The following PLEKHD1 variants were observed in gnomAD, a reference collection of about 807,000 sequenced individuals.
PLEKHD1 encodes pleckstrin homology domain-containing family D member 1.
A neutral mutation model predicts 69.2 loss-of-function variants in PLEKHD1; 51 were observed. That is an observed-to-expected ratio of 0.74 (90% CI 0.59 to 0.93). The LOEUF (loss-of-function observed/expected upper bound fraction) is 0.93, where lower values mean the gene tolerates loss of function less well. Ranked by LOEUF, PLEKHD1 falls within the 40% of genes least tolerant of loss-of-function variation. The pLI, the probability that PLEKHD1 is intolerant of heterozygous loss-of-function variation, is 0.00. For synonymous variants in PLEKHD1, 236 were observed against 244.7 expected (o/e 0.96, Z 0.33); for missense variants, 584 against 641.0 (o/e 0.91, Z 0.96).
At chr14:69,501,886 G>A (rs773696891) in intron 5 of PLEKHD1, 61 bp downstream of exon 5, 8 of 1,411,556 alleles carry the variant, frequency 5.7e-6, no homozygotes, top group Admixed American at 2.1e-5. Flanking sequence ...GCTATAGCCA[G>A]GGGCTTGGTA....
At chr14:69,469,502 T>G in the PLEKHD1 span, among the ~76,000 whole-genome samples, 1 of 151,814 alleles carries the variant, frequency 6.6e-6, no homozygotes, top group South Asian at 2.2e-4. Flanking sequence ...CTAGAACTCT[T>G]GGGCTCCAGT....
chr14:69,474,016 C>T, the PLEKHD1 span, among the ~76,000 whole-genome samples: 2 of 151,950 alleles, frequency 1.3e-5, no homozygotes, highest in East Asian at 1.9e-4. Flanking sequence ...TCCCTGCCTT[C>T]GCCCTGCTCA....
intron 11 of PLEKHD1, 52 bp from the exon 12 acceptor site, chr14:69,527,731 T>C (rs368635291): frequency 1.3e-6 from 2 of 1,540,562 alleles, no homozygotes; most frequent in African/African-American, 1.4e-5. Flanking sequence ...AGGGACTGGC[T>C]GGGGGTAAGG....
At chr14:69,526,178 C>T in intron 9 of PLEKHD1, 56 bp downstream of exon 9, 1 of 1,477,862 alleles carries the variant, frequency 6.8e-7, no homozygotes, top group South Asian at 1.4e-5. Flanking sequence ...GGGGACTTTC[C>T]TCGAACTGGA....
chr14:69,505,080 C>G (rs538392470), intron 6 of PLEKHD1, among the ~76,000 whole-genome samples: 6 of 152,326 alleles, frequency 3.9e-5, no homozygotes, highest in Admixed American at 2.0e-4. Flanking sequence ...CGGAGACCCA[C>G]TGCACACAGG....
the PLEKHD1 span, among the ~76,000 whole-genome samples, chr14:69,468,168 A>G: frequency 4.6e-5 from 7 of 152,370 alleles, no homozygotes; most frequent in African/African-American, 1.7e-4. Context: ...GAGATAGTTC[A>G]TGGATAGGAC....
At chr14:69,501,642 G>T in intron 4 of PLEKHD1, 92 bp from the exon 5 acceptor site, 1 of 973,564 alleles carries the variant, frequency 1.0e-6, no homozygotes. Flanking sequence ...AGTACAAAAC[G>T]TATGCCTTCT....
In PLEKHD1 at chr14:69,527,207, T is replaced by A. The variant is rs1248514717; in HGVS notation, c.1076T>A (p.Met359Lys). The change falls in exon 11 of 13, where the codon ATG (methionine) becomes AAG (lysine). Residue 359 changes from methionine to lysine, a missense_variant. Coordinates refer to ENST00000322564, the MANE Select transcript of PLEKHD1 (RefSeq NM_001161498.2). Reference sequence around the variant, plus strand: ...CCTCAGGCTGAGGTGAAGGTCCGCATGGACCTGGAGAGGCGTCTCCGGGAG... The same window carrying A: ...CCTCAGGCTGAGGTGAAGGTCCGCAAGGACCTGGAGAGGCGTCTCCGGGAG... ...RELKAEVKVR[M>K]DLERRLREAE... 1 of 1,550,464 alleles carries A rather than the reference T, an allele frequency of 6.4e-7. No individual in the cohort carries two copies. Among genetic ancestry groups the A allele is most frequent in the Non-Finnish European group, 8.7e-7 (1 of 1,146,492 alleles).
chr14:69,500,300 C>T, intron 2 of PLEKHD1, 92 bp downstream of exon 2: 1 of 1,103,136 alleles, frequency 9.1e-7, no homozygotes, highest in Non-Finnish European at 1.3e-6. Context: ...TGCGCTCTTG[C>T]TCTGGCCTAG....
At chr14:69,514,329 A>AT (rs1277945956) in intron 6 of PLEKHD1, among the ~76,000 whole-genome samples, 1 of 147,764 alleles carries the variant, frequency 6.8e-6, no homozygotes, top group East Asian at 2.0e-4. Flanking sequence ...AAGCTGAGAG[A>AT]TTTTTTTTCC....
At chr14:69,512,145 G>C (rs1883284917) in intron 6 of PLEKHD1, among the ~76,000 whole-genome samples, 1 of 152,060 alleles carries the variant, frequency 6.6e-6, no homozygotes, top group Non-Finnish European at 1.5e-5. Context: ...TCAAGGAGTT[G>C]GTCCATTTCA....
chr14:69,492,076 A>C (rs76000116), intron 1 of PLEKHD1, among the ~76,000 whole-genome samples: 1,728 of 152,222 alleles, frequency 0.011, 70 homozygotes, highest in Admixed American at 0.072. Flanking sequence ...GCGTCTTCAC[A>C]AGGACTACTC....
Position 69,502,867 on chromosome 14 carries a change from G to A in PLEKHD1, c.543G>A (p.Arg181=). ...MEETEELCLQ[R]EQREELERLN... Reference sequence around the variant, plus strand: ...AGACCGAAGAACTCTGCCTTCAGAGGGAGCAGAGAGAGGTAGGTGCACACC... The same window carrying A: ...AGACCGAAGAACTCTGCCTTCAGAGAGAGCAGAGAGAGGTAGGTGCACACC... The change falls in exon 6 of 13, where the codon AGG becomes AGA. Residue 181 remains arginine, a synonymous_variant. Transcript: ENST00000322564. 6.4e-7 allele frequency: 1 copy of A among 1,551,684 alleles called. No individual in the cohort carries two copies. The highest frequency in any genetic ancestry group is 1.2e-5 in the South Asian group (1 of 84,060).
chr14:69,468,002 A>G, the PLEKHD1 span, among the ~76,000 whole-genome samples: 1 of 152,188 alleles, frequency 6.6e-6, no homozygotes, highest in Admixed American at 6.5e-5. Context: ...ATCTTGATAC[A>G]CAGCCTTCTG....
chr14:69,519,803 G>A (rs1287868997), intron 6 of PLEKHD1, among the ~76,000 whole-genome samples: 3 of 152,194 alleles, frequency 2.0e-5, no homozygotes, highest in Non-Finnish European at 4.4e-5. Context: ...CCAGGGATGG[G>A]GTGGAGCCTC....
In PLEKHD1 at chr14:69,528,282, C is replaced by A. The variant is rs1566567808; in HGVS notation, c.1384C>A (p.Leu462Met). The change falls in exon 13 of 13, where the codon CTG becomes ATG. Residue 462 changes from leucine to methionine, a missense_variant. Transcript: ENST00000322564. ...KPSQSFMTSQ[L>M]DANNMEELKE... Reference sequence around the variant, plus strand: ...GTCCCAGTCCTTCATGACCTCCCAGCTGGATGCCAACAACATGGAGGAGCT... The same window carrying A: ...GTCCCAGTCCTTCATGACCTCCCAGATGGATGCCAACAACATGGAGGAGCT... 2 of 1,551,744 alleles carry A rather than the reference C, an allele frequency of 1.3e-6. No homozygotes were observed. The highest frequency in any genetic ancestry group is 1.7e-6 in the Non-Finnish European group (2 of 1,146,994).
At position 69,525,953 on chromosome 14, in the gene PLEKHD1, A is replaced by T. The variant is rs200457940; in HGVS notation, c.754A>T (p.Ile252Leu). Residue 252 changes from isoleucine (I) to leucine (L), a missense_variant, in exon 9 of 13, where the codon ATA (isoleucine) becomes TTA (leucine). Ile to Leu is a conservative substitution (Grantham distance 5, BLOSUM62 2). Transcript: ENST00000322564. ...CCTCCCTCCATGCCAGGAACTCTCC[A>T]TAGAGAAGAAGAAAACCCTGGAAAT... ...SLQQTLEELS[I>L]EKKKTLEMLE... 2.8e-4 allele frequency: 432 copies of T among 1,550,990 alleles called. 2 individuals carry two copies. The highest frequency in any genetic ancestry group is 1.2e-3 in the Middle Eastern group (7 of 6,012).
rs111778202 is a variant in PLEKHD1 at position 69,502,650 on chromosome 14, G to A, written c.503-177G>A. The stretch of plus-strand genomic sequence containing the variant: ...AAAAGCAGGATGATGATGGGGGAAG[G>A]AGGGTGGCAGCTTCCATCACCAGGA... On this transcript the variant is annotated intron_variant, in intron 5 of 12. Transcript: ENST00000322564. The A allele has an allele frequency of 6.8e-3, 4,509 of 663,136 alleles. 79 individuals carry two copies. Among genetic ancestry groups the A allele is most frequent in the African/African-American group, 0.048 (2,641 of 55,160 alleles). The allele number at this position is 663,136 out of a possible 1,614,324, so 41.1% of individuals were successfully genotyped here. A position where few individuals can be genotyped will look rare whatever the true frequency, so the allele number is the denominator to read the frequency against.
At chr14:69,472,929 A>G in the PLEKHD1 span, among the ~76,000 whole-genome samples, 18 of 152,230 alleles carry the variant, frequency 1.2e-4, no homozygotes, top group East Asian at 3.3e-3. Context: ...TTCGATTCTC[A>G]TAGGAGCATG....
Sources: allele counts gnomAD v4.1 joint callset (sites outside exome capture counted in the v4.1 genomes callset), GRCh38; gene constraint gnomAD v4.1.1; transcripts MANE v1.5; gene names NCBI Gene and HGNC (gene_info 2026-07-23, HGNC 2026-07-21).